SEMA6D: variants seen among roughly 807,000 people sequenced by gnomAD.
SEMA6D encodes the protein semaphorin 6D.
In SEMA6D, 35 loss-of-function variants were observed where a neutral mutation model predicts 106.6. The observed-to-expected ratio is 0.33, with a 90% CI of 0.25 to 0.44. SEMA6D has a LOEUF of 0.44. Ranked by LOEUF, SEMA6D falls within the 20% of genes least tolerant of loss-of-function variation. The pLI is 1.00. For synonymous variants in SEMA6D, 499 were observed against 487.7 expected, an observed-to-expected ratio of 1.02 and a Z score of -0.31; for missense variants, 1,185 against 1,345.9, an observed-to-expected ratio of 0.88 and a Z score of 1.87.
At chr15:47,702,432 G>T (rs1481804641) in intron 4 of SEMA6D, among the ~76,000 whole-genome samples, 5 of 152,178 alleles carry the variant, frequency 3.3e-5, no homozygotes, top group African/African-American at 1.2e-4. Context: ...ATGCAAAATG[G>T]TACAGCCACT....
Position 47,526,666 on chromosome 15 carries a change from G to A in SEMA6D, c.-87+56121G>A, listed in dbSNP as rs146812298. On this transcript the variant is annotated intron_variant, in intron 3 of 19. Transcript: ENST00000558014. ...CCCCTGCCAGAAATGGTTTATGTTT[G>A]CTTGCTTTGGTTTTAGCTTTTGTTG... Among the ~76,000 whole-genome samples the A allele has an allele frequency of 1.3e-4, 20 of 152,240 alleles. 1 individual carries two copies. Among genetic ancestry groups the A allele is most frequent in the African/African-American group, 4.8e-4 (20 of 41,544 alleles).
At chr15:47,547,977 T>C (rs975874412) in intron 3 of SEMA6D, among the ~76,000 whole-genome samples, 1 of 152,116 alleles carries the variant, frequency 6.6e-6, no homozygotes, top group Middle Eastern at 3.2e-3. Context: ...TGAAAACATG[T>C]TTTTTTCTCT....
intron 3 of SEMA6D, among the ~76,000 whole-genome samples, chr15:47,585,031 C>T (rs1047665743): frequency 5.9e-5 from 9 of 152,154 alleles, no homozygotes; most frequent in African/African-American, 2.2e-4. Context: ...AGGTGTCCAT[C>T]GTCTTTCTGC....
At chr15:47,576,391 C>T (rs972638455) in intron 3 of SEMA6D, among the ~76,000 whole-genome samples, 6 of 152,150 alleles carry the variant, frequency 3.9e-5, no homozygotes, top group Non-Finnish European at 8.8e-5. Context: ...AGCCCATACC[C>T]CAAGTGAAGT....
intron 1 of SEMA6D, among the ~76,000 whole-genome samples, chr15:47,757,796 TA>T (rs557490639): frequency 6.6e-6 from 1 of 152,166 alleles, no homozygotes; most frequent in Non-Finnish European, 1.5e-5. Context: ...ATGAGACTCT[TA>T]AAGTCAATCT....
chr15:47,518,723 C>T (rs1221209343), intron 3 of SEMA6D, among the ~76,000 whole-genome samples: 1 of 152,166 alleles, frequency 6.6e-6, no homozygotes, highest in Non-Finnish European at 1.5e-5. Context: ...CTGGGTGAGT[C>T]AGTGAGTGAG....
intron 1 of SEMA6D, among the ~76,000 whole-genome samples, chr15:47,242,435 A>T (rs141372904): frequency 7.3e-4 from 111 of 152,152 alleles, no homozygotes; most frequent in Non-Finnish European, 1.3e-3. Context: ...TTTTCCTCCC[A>T]GTTGTTCCTT....
At chr15:47,502,158 T>G (rs1186702618) in intron 3 of SEMA6D, among the ~76,000 whole-genome samples, 1 of 152,162 alleles carries the variant, frequency 6.6e-6, no homozygotes, top group Non-Finnish European at 1.5e-5. Flanking sequence ...TACACATATT[T>G]CAGCAGTGAC....
intron 4 of SEMA6D, among the ~76,000 whole-genome samples, chr15:47,690,734 T>C (rs1232045738): frequency 6.6e-6 from 1 of 152,166 alleles, no homozygotes; most frequent in Admixed American, 6.5e-5. Context: ...TGGTAAGCTA[T>C]TGTTTTAGTT....
chr15:47,549,226 G>A (rs1418544474), intron 3 of SEMA6D, among the ~76,000 whole-genome samples: 4 of 152,128 alleles, frequency 2.6e-5, no homozygotes, highest in Non-Finnish European at 4.4e-5. Flanking sequence ...TGGAGGCCCC[G>A]ACCCCAGCCT....
At chr15:47,464,503 C>T (rs926389613) in intron 2 of SEMA6D, among the ~76,000 whole-genome samples, 1 of 152,088 alleles carries the variant, frequency 6.6e-6, no homozygotes, top group African/African-American at 2.4e-5. Flanking sequence ...ACTCCTGATG[C>T]TCCCAGATCA....
chr15:47,449,998 G>A (rs891104701), intron 2 of SEMA6D, among the ~76,000 whole-genome samples: 2 of 152,078 alleles, frequency 1.3e-5, no homozygotes, highest in African/African-American at 4.8e-5. Context: ...TGTGATCCTA[G>A]TGAGAGTTAT....
At chr15:47,442,595 A>G (rs1361975104) in intron 2 of SEMA6D, among the ~76,000 whole-genome samples, 1 of 152,042 alleles carries the variant, frequency 6.6e-6, no homozygotes, top group Admixed American at 6.6e-5. Flanking sequence ...ACATCTGTGG[A>G]TGTGCTTCTC....
intron 1 of SEMA6D, among the ~76,000 whole-genome samples, chr15:47,758,453 T>G (rs1597031077): frequency 6.6e-6 from 1 of 151,734 alleles, no homozygotes; most frequent in South Asian, 2.1e-4. Flanking sequence ...GAGGGGGGGG[T>G]GTTATTGTTG....
intron 4 of SEMA6D, among the ~76,000 whole-genome samples, chr15:47,663,947 C>G (rs373298363): frequency 9.2e-5 from 14 of 152,308 alleles, no homozygotes; most frequent in African/African-American, 3.4e-4. Context: ...TCTGAGTCTT[C>G]TGACTTTTGG....
At chr15:47,478,795 A>C (rs1339249632) in intron 3 of SEMA6D, among the ~76,000 whole-genome samples, 1 of 152,156 alleles carries the variant, frequency 6.6e-6, no homozygotes, top group Non-Finnish European at 1.5e-5. Context: ...TTTTATAATG[A>C]AAAAAAGGTT....
At chr15:47,391,288 T>C (rs2040021148) in intron 1 of SEMA6D, among the ~76,000 whole-genome samples, 1 of 152,204 alleles carries the variant, frequency 6.6e-6, no homozygotes, top group African/African-American at 2.4e-5. Flanking sequence ...AGGCCTCTTG[T>C]CTACCACTGT....
chr15:47,421,441 A>G (rs1010573872), intron 2 of SEMA6D, among the ~76,000 whole-genome samples: 1 of 151,956 alleles, frequency 6.6e-6, no homozygotes, highest in South Asian at 2.1e-4. Context: ...CTCAGCACTT[A>G]TGAAGAGTAG....
intron 1 of SEMA6D, among the ~76,000 whole-genome samples, chr15:47,261,345 G>C (rs1312002459): frequency 2.0e-5 from 3 of 152,086 alleles, no homozygotes; most frequent in Non-Finnish European, 2.9e-5. Flanking sequence ...TATTTCATTT[G>C]CTTTCCTCTT....
Sources: allele counts gnomAD v4.1 joint callset (sites outside exome capture counted in the v4.1 genomes callset), GRCh38; gene constraint gnomAD v4.1.1; transcripts MANE v1.5; gene names NCBI Gene and HGNC (gene_info 2026-07-23, HGNC 2026-07-21).